Variants in DCST1 observed in about 807,000 individuals in gnomAD.
DCST1 encodes DC-STAMP domain containing 1, also known as E3 ubiquitin-protein ligase DCST1.
A neutral mutation model predicts 89.1 loss-of-function variants in DCST1; 78 were observed. The ratio of observed to expected loss-of-function variants is 0.88; its 90% CI spans 0.73 to 1.06. DCST1 has a LOEUF of 1.06. Ranked by LOEUF, DCST1 falls within the 50% of genes least tolerant of loss-of-function variation. The probability of loss-of-function intolerance (pLI) is 0.00; values close to 1 mark genes in which losing one functional copy is unlikely to be tolerated. For synonymous variants in DCST1, 364 were observed against 371.9 expected, an observed-to-expected ratio of 0.98 and a Z score of 0.24; for missense variants, 900 against 928.6, an observed-to-expected ratio of 0.97 and a Z score of 0.40.
rs755402254 is a variant in DCST1, at chr1:155,043,504, G to T, written c.1167G>T (p.Leu389=). The T allele has an allele frequency of 7.6e-6, 12 of 1,583,666 alleles. No individual in the cohort carries two copies. In the East Asian group the frequency reaches 2.5e-4, roughly 33 times the overall value. The change falls in exon 10 of 17, where the codon CTG becomes CTT. Residue 389 remains leucine, a synonymous_variant. Coordinates refer to ENST00000295542, the MANE Select transcript of DCST1 (RefSeq NM_152494.4). ...TCTCCTGCACTTTCCTGCTGGTCCT[G>T]CATGCGTGAGCCATAGTCCCCACCC... ...VLLSCTFLLV[L]HASFSYMDSY... is the part of the protein sequence containing the mutation.
chr1:155,038,739 A>G (rs1660343839), intron 4 of DCST1, among the ~76,000 whole-genome samples: 1 of 150,738 alleles, frequency 6.6e-6, no homozygotes, highest in Non-Finnish European at 1.5e-5. Context: ...AGAAATACGT[A>G]CTCCCTCCTT....
At chr1:155,034,613 G>A in intron 3 of DCST1, 40 bp from the exon 4 acceptor site, 5 of 1,614,080 alleles carry the variant, frequency 3.1e-6, no homozygotes, top group South Asian at 1.1e-5. Flanking sequence ...CCAGGGCTAG[G>A]ACCCATCTTT....
chr1:155,047,310 T>C lies in DCST1; in HGVS notation c.1610T>C (p.Met537Thr). 1.2e-6 allele frequency: 2 copies of C among 1,610,120 alleles called. No homozygotes were observed. The highest frequency in any genetic ancestry group is 1.7e-6 in the Non-Finnish European group (2 of 1,176,686). Reference sequence around the variant, plus strand: ...GAGACAGTGATGGAATCAAACAACATGCGTGAGTGATGCTGAAAGTTTGGA... The same window carrying C: ...GAGACAGTGATGGAATCAAACAACACGCGTGAGTGATGCTGAAAGTTTGGA... ...SSETVMESNN[M>T]PCLPQPVGLD... The change falls in exon 14 of 17, where the codon ATG becomes ACG. Residue 537 changes from methionine to threonine, a missense_variant and splice_region_variant. Physicochemically the swap from Met to Thr is moderately conservative, Grantham distance 81. Transcript: ENST00000295542.
At chr1:155,042,511 T>C (rs767461400) in intron 8 of DCST1, among the ~76,000 whole-genome samples, 4 of 152,172 alleles carry the variant, frequency 2.6e-5, no homozygotes, top group Admixed American at 6.5e-5. Context: ...ATGTTTGTTA[T>C]GGTTGAGGAT....
chr1:155,039,627 T>C, intron 5 of DCST1, 96 bp downstream of exon 5: 1 of 1,423,804 alleles, frequency 7.0e-7, no homozygotes. Context: ...AAGACAGGAG[T>C]GTCATCCCAG....
Position 155,048,105 on chromosome 1 carries a change from A to G in DCST1, c.1804A>G (p.Arg602Gly). ...LFLYNDLLKK[R>G]AAFTKLRRAA... ...CCTCTACAATGACCTATTGAAGAAAAGAGCAGCCTTCACCAAACTCAGGAG... is the reference window on the plus strand; with the variant it reads ...CCTCTACAATGACCTATTGAAGAAAGGAGCAGCCTTCACCAAACTCAGGAG... The change falls in exon 16 of 17, where the codon AGA becomes GGA. Residue 602 changes from arginine (R) to glycine (G), a missense_variant. Physicochemically the swap from Arg to Gly is moderately radical, Grantham distance 125 (BLOSUM62 -2). Transcript: ENST00000295542. 1 of 1,613,998 alleles carries G rather than the reference A, an allele frequency of 6.2e-7. No individual in the cohort carries two copies. The highest frequency in any genetic ancestry group is 8.5e-7 in the Non-Finnish European group (1 of 1,179,994).
In DCST1 at chr1:155,043,273, G is replaced by T. The variant is rs944069710; in HGVS notation, c.1015-79G>T. 3.7e-6 allele frequency: 6 copies of T among 1,604,486 alleles called. No individual in the cohort carries two copies. In the South Asian group the frequency reaches 4.5e-5, roughly 12 times the overall value. ...CCAGGGACACAAGTGGGGTACTGGG[G>T]AACAGATGTCATGAAGAGGTGGGAC... On this transcript the variant is annotated intron_variant, in intron 9 of 16. Coordinates refer to ENST00000295542, the MANE Select transcript of DCST1 (RefSeq NM_152494.4).
chr1:155,043,692 C>T (rs537247815), intron 10 of DCST1, among the ~76,000 whole-genome samples, 183 bp downstream of exon 10: 78 of 152,320 alleles, frequency 5.1e-4, no homozygotes, highest in Admixed American at 1.7e-3. Flanking sequence ...AAGAACATTA[C>T]CCATGTTCCC....
At position 155,050,827 on chromosome 1, in the gene DCST1, G is replaced by A. The variant is rs1164982180; in HGVS notation, c.2080G>A (p.Ala694Thr). ...GCCCCGCGAAGAGCTCTCTTCCTCC[G>A]CCTTTAGTGACAGCAACGACGACAC... ...CTPREELSSS[A>T]FSDSNDDTAY... Residue 694 changes from alanine to threonine, a missense_variant, in exon 17 of 17, where the codon GCC becomes ACC. Physicochemically the swap from Ala to Thr is moderately conservative, Grantham distance 58 (BLOSUM62 0). Coordinates refer to ENST00000295542, the MANE Select transcript of DCST1 (RefSeq NM_152494.4). 8 of 1,612,916 alleles carry A rather than the reference G, an allele frequency of 5.0e-6. No individual in the cohort carries two copies. The highest frequency in any genetic ancestry group is 6.8e-6 in the Non-Finnish European group (8 of 1,179,504).
rs767513223 is a variant in DCST1 at position 155,041,422 on chromosome 1, A to C, written c.557A>C (p.Glu186Ala). The part of the protein sequence containing the change: ...LLSSKELLRA[E>A]TRNISATFED... ...AGTAGCAAAGAATTGCTGAGAGCAG[A>C]GACTCGGAACATCTCCGCCACTTTT... The change falls in exon 7 of 17, where the codon GAG (glutamate) becomes GCG (alanine). Residue 186 changes from glutamate (E) to alanine (A), a missense_variant. Transcript: ENST00000295542. 4 of 1,613,836 alleles carry C rather than the reference A, an allele frequency of 2.5e-6. No individual in the cohort carries two copies. The highest frequency in any genetic ancestry group is 1.7e-6 in the Non-Finnish European group (2 of 1,180,020).
chr1:155,049,131 G>C (rs190395385), intron 16 of DCST1: 91 of 711,522 alleles, frequency 1.3e-4, no homozygotes, highest in Admixed American at 4.0e-4. Context: ...TGTGTATCCC[G>C]GCTCCTTCCC....
chr1:155,048,140 C>T lies in DCST1; in HGVS notation c.1839C>T (p.Ile613=). 6.2e-7 allele frequency: 1 copy of T among 1,614,078 alleles called. No homozygotes were observed. The highest frequency in any genetic ancestry group is 8.5e-7 in the Non-Finnish European group (1 of 1,180,010). ...TCACCAAACTCAGGAGGGCCGCTAT[C>T]CTGAGGCGGGAGCGACAGCAGAAGG... The part of the protein sequence containing the change: ...AAFTKLRRAA[I]LRRERQQKAP... The change falls in exon 16 of 17, where the codon ATC becomes ATT. Residue 613 remains isoleucine, a synonymous_variant. Transcript: ENST00000295542.
At chr1:155,044,698 G>C (rs980768194) in intron 10 of DCST1, among the ~76,000 whole-genome samples, 1 of 152,192 alleles carries the variant, frequency 6.6e-6, no homozygotes, top group Non-Finnish European at 1.5e-5. Context: ...AAGGCTCCTG[G>C]TATCCATGGG....
chr1:155,033,882 C>T, intron 1 of DCST1, 28 bp downstream of exon 1: 3 of 1,280,280 alleles, frequency 2.3e-6, no homozygotes, highest in Non-Finnish European at 2.2e-6. Context: ...TTCCCCACTT[C>T]TCGGAGCAGA....
intron 13 of DCST1, 35 bp downstream of exon 13, chr1:155,046,521 G>C (rs771467681): frequency 6.3e-7 from 1 of 1,597,368 alleles, no homozygotes; most frequent in African/African-American, 1.4e-5. Flanking sequence ...CCAGGCCCAA[G>C]AGACACCCTC....
chr1:155,035,702 G>T (rs546107507), intron 4 of DCST1, among the ~76,000 whole-genome samples: 1 of 152,250 alleles, frequency 6.6e-6, no homozygotes, highest in East Asian at 1.9e-4. Context: ...GGCTGAGGCG[G>T]GTGGATCACC....
Position 155,047,272 on chromosome 1 carries a change from G to A in DCST1, c.1572G>A (p.Leu524=). The A allele has an allele frequency of 6.2e-7, 1 of 1,614,198 alleles. No homozygotes were observed. Among genetic ancestry groups the A allele is most frequent in the Non-Finnish European group, 8.5e-7 (1 of 1,180,020 alleles). The change falls in exon 14 of 17, where the codon CTG becomes CTA. Residue 524 remains leucine (L), a synonymous_variant. Coordinates refer to ENST00000295542, the MANE Select transcript of DCST1 (RefSeq NM_152494.4). ...ARLLRKTIGA[L]NTSSETVMES... ...TTCTTCGAAAAACCATTGGGGCCCTGAACACCTCCTCAGAGACAGTGATGG... is the reference window on the plus strand; with the variant it reads ...TTCTTCGAAAAACCATTGGGGCCCTAAACACCTCCTCAGAGACAGTGATGG...
chr1:155,047,967 T>G, intron 15 of DCST1, 38 bp downstream of exon 15: 1 of 1,612,334 alleles, frequency 6.2e-7, no homozygotes, highest in Non-Finnish European at 8.5e-7. Flanking sequence ...CCTACACACC[T>G]GCACACACAC....
chr1:155,047,169 C>A, intron 13 of DCST1, 27 bp from the exon 14 acceptor site: 1 of 1,591,630 alleles, frequency 6.3e-7, no homozygotes, highest in Non-Finnish European at 8.6e-7. Context: ...CCTGCCCTGA[C>A]TTCCCTACCT....
Sources: gnomAD v4.1 joint callset for allele counts (sites outside exome capture counted in the v4.1 genomes callset) on GRCh38, gnomAD v4.1.1 for gene constraint, MANE v1.5 for transcripts, NCBI Gene and HGNC (gene_info 2026-07-23, HGNC 2026-07-21) for gene names.